ZNF548: variants seen among roughly 807,000 people sequenced by gnomAD.
ZNF548 encodes zinc finger protein 548.
In ZNF548, 10 loss-of-function variants were observed where a neutral mutation model predicts 10.2. That is an observed-to-expected ratio of 0.98 (90% CI 0.60 to 1.66). The LOEUF (loss-of-function observed/expected upper bound fraction) is 1.66, where lower values mean the gene tolerates loss of function less well. ZNF548 is among the 40% of genes most tolerant of loss of function. The pLI, the probability that ZNF548 is intolerant of heterozygous loss-of-function variation, is 0.00. For synonymous variants in ZNF548, 217 were observed against 223.5 expected (o/e 0.97, Z 0.26); for missense variants, 599 against 657.0 (o/e 0.91, Z 0.97).
At position 57,400,095 on chromosome 19, in the gene ZNF548, A is replaced by T; in HGVS notation, c.*206A>T. 1.9e-6 allele frequency: 1 copy of T among 521,732 alleles called. No individual in the cohort carries two copies. Among genetic ancestry groups the T allele is most frequent in the Non-Finnish European group, 3.4e-6 (1 of 297,870 alleles). 32.3% of individuals were successfully genotyped at this position (521,732 alleles called of 1,614,324 possible). Reference sequence around the variant, plus strand: ...GTACCAATAGATATCTATGAATTTGATATATATTTGTACCTCATATAAGTG... The same window carrying T: ...GTACCAATAGATATCTATGAATTTGTTATATATTTGTACCTCATATAAGTG... On this transcript the variant is annotated 3_prime_UTR_variant, in exon 4 of 4. Coordinates refer to ENST00000336128, the MANE Select transcript of ZNF548 (RefSeq NM_001172773.2).
intron 1 of ZNF548, 21 bp downstream of exon 1, chr19:57,390,135 T>A (rs776564556): frequency 6.2e-7 from 1 of 1,605,098 alleles, no homozygotes; most frequent in South Asian, 1.1e-5. Flanking sequence ...CGTCCCAGGC[T>A]CCCCCGCCCG....
rs1486045514 is a variant in ZNF548, at chr19:57,401,407, A to G, written c.*1518A>G. ...CCCTAAACTATATAGTATAATAAAT[A>G]TTTACATAGCATTTACATTGTATTA... On this transcript the variant is annotated 3_prime_UTR_variant, in exon 4 of 4. Transcript: ENST00000336128. 1 of 152,224 alleles carries G rather than the reference A, an allele frequency of 6.6e-6. No homozygotes were observed. Among genetic ancestry groups the G allele is most frequent in the African/African-American group, 2.4e-5 (1 of 41,456 alleles). 9.4% of individuals were successfully genotyped at this position (152,224 alleles called of 1,614,324 possible).
intron 1 of ZNF548, chr19:57,392,939 C>T (rs1469519066): frequency 1.0e-6 from 1 of 985,622 alleles, no homozygotes; most frequent in East Asian, 1.1e-4. Context: ...AAAAGGGAGG[C>T]CTGGACTGGG....
intron 1 of ZNF548, 187 bp from the exon 2 acceptor site, chr19:57,394,001 C>T (rs759465092): frequency 9.1e-6 from 6 of 659,484 alleles, no homozygotes; most frequent in South Asian, 8.5e-5. Context: ...CAGATGGAGA[C>T]ACTGAAGCTC....
In ZNF548 at chr19:57,399,301, G is replaced by A. The variant is rs1186903738; in HGVS notation, c.1050G>A (p.Lys350=). 1.2e-6 allele frequency: 2 copies of A among 1,613,998 alleles called. No individual in the cohort carries two copies. The highest frequency in any genetic ancestry group is 1.3e-5 in the African/African-American group (1 of 74,994). Residue 350 remains lysine, a synonymous_variant, in exon 4 of 4, where the codon AAG becomes AAA. Transcript: ENST00000336128. The surrounding 1 kb of genome is among the most constrained non-coding windows in gnomAD (Gnocchi z 4.0). ...QRVHTGERPY[K]CNDCGKFFRY... ...TTCACACCGGAGAAAGACCTTATAA[G>A]TGCAATGATTGTGGGAAATTTTTTA... is the stretch of plus-strand genomic sequence containing the variant.
Position 57,399,206 on chromosome 19 carries a change from A to G in ZNF548, c.955A>G (p.Arg319Gly). 1 of 1,614,160 alleles carries G rather than the reference A, an allele frequency of 6.2e-7. No homozygotes were observed. Residue 319 changes from arginine (R) to glycine (G), a missense_variant, in exon 4 of 4, where the codon AGG (arginine) becomes GGG (glycine). Physicochemically the swap from Arg to Gly is moderately radical, Grantham distance 125. Coordinates refer to ENST00000336128, the MANE Select transcript of ZNF548 (RefSeq NM_001172773.2). The surrounding 1 kb of genome is among the most constrained non-coding windows in gnomAD (Gnocchi z 4.0). ...ACATCAGAGAGTTCACACCGGAGAA[A>G]GGCCGTATGAGTGCAGGGAATGTGG... ...VRHQRVHTGERPYECRECGKF... is the reference protein window; with the variant it reads ...VRHQRVHTGEGPYECRECGKF...
At position 57,399,968 on chromosome 19, in the gene ZNF548, A is replaced by G. The variant is rs2088702090; in HGVS notation, c.*79A>G. 2.5e-6 allele frequency: 3 copies of G among 1,202,756 alleles called. No homozygotes were observed. The highest frequency in any genetic ancestry group is 3.4e-6 in the Non-Finnish European group (3 of 881,336). The allele number at this position is 1,202,756 out of a possible 1,614,324, so 74.5% of individuals were successfully genotyped here. Reference sequence around the variant, plus strand: ...TCTCCAGAACATTTTTCCTCTTACCAAGAAGTAAAATGCTGTACCCATTAA... The same window carrying G: ...TCTCCAGAACATTTTTCCTCTTACCGAGAAGTAAAATGCTGTACCCATTAA... On this transcript the variant is annotated 3_prime_UTR_variant, in exon 4 of 4. Transcript: ENST00000336128. The surrounding 1 kb of genome is among the most constrained non-coding windows in gnomAD (Gnocchi z 4.0).
chr19:57,390,384 A>T lies in ZNF548; in HGVS notation c.15+270A>T, dbSNP rs1328774010. The T allele has an allele frequency of 1.3e-5, 5 of 394,244 alleles. No homozygotes were observed. In the East Asian group the frequency reaches 1.9e-4, roughly 15 times the overall value. The allele number at this position is 394,244 out of a possible 1,614,324, so 24.4% of individuals were successfully genotyped here. A position where few individuals can be genotyped will look rare whatever the true frequency, so the allele number is the denominator to read the frequency against. Reference sequence around the variant, plus strand: ...GAGGGTTTTGTGAATTCTCGCTTGGAATGGCAACCTGAGCAGCCAGTAACC... The same window carrying T: ...GAGGGTTTTGTGAATTCTCGCTTGGTATGGCAACCTGAGCAGCCAGTAACC... On this transcript the variant is annotated intron_variant, in intron 1 of 3. Coordinates refer to ENST00000336128, the MANE Select transcript of ZNF548 (RefSeq NM_001172773.2).
At position 57,402,382 on chromosome 19, in the gene ZNF548, T is replaced by C. The variant is rs1453531883; in HGVS notation, c.*2493T>C. On this transcript the variant is annotated 3_prime_UTR_variant, in exon 4 of 4. Transcript: ENST00000336128. ...CAAATTACTCAAATTAGCCAATCCA[T>C]GGGGAACATGGAAAACGTAGCTAAT... is the stretch of plus-strand genomic sequence containing the variant. The C allele has an allele frequency of 6.6e-6, 1 of 152,222 alleles. No individual in the cohort carries two copies. The highest frequency in any genetic ancestry group is 1.5e-5 in the Non-Finnish European group (1 of 68,050). 9.4% of individuals were successfully genotyped at this position (152,222 alleles called of 1,614,324 possible).
At chr19:57,394,267 C>G (rs368122312) in intron 2 of ZNF548, 44 bp downstream of exon 2, 83 of 1,586,442 alleles carry the variant, frequency 5.2e-5, no homozygotes, top group Non-Finnish European at 6.4e-5. Flanking sequence ...TGGTTATCTC[C>G]CAGATGGTTT....
At chr19:57,396,578 G>A (rs985738071) in intron 2 of ZNF548, among the ~76,000 whole-genome samples, 2 of 152,190 alleles carry the variant, frequency 1.3e-5, no homozygotes, top group African/African-American at 2.4e-5. Context: ...GATTGATGCT[G>A]GGGACAGGCC....
At position 57,398,744 on chromosome 19, in the gene ZNF548, T is replaced by G. The variant is rs1427592965; in HGVS notation, c.493T>G (p.Phe165Val). ...NHRVHMAEEI[F>V]TCMEGWKDLP... ...CAGAGTTCACATGGCAGAGGAGATC[T>G]TCACATGCATGGAGGGCTGGAAGGA... Residue 165 changes from phenylalanine (F) to valine (V), a missense_variant, in exon 4 of 4, where the codon TTC (phenylalanine) becomes GTC (valine). Coordinates refer to ENST00000336128, the MANE Select transcript of ZNF548 (RefSeq NM_001172773.2). 6.2e-7 allele frequency: 1 copy of G among 1,613,908 alleles called. No homozygotes were observed. The highest frequency in any genetic ancestry group is 1.3e-5 in the African/African-American group (1 of 74,928).
At position 57,398,893 on chromosome 19, in the gene ZNF548, T is replaced by C; in HGVS notation, c.642T>C (p.Cys214=). 2 of 1,614,016 alleles carry C rather than the reference T, an allele frequency of 1.2e-6. No individual in the cohort carries two copies. Among genetic ancestry groups the C allele is most frequent in the East Asian group, 2.2e-5 (1 of 44,882 alleles). The stretch of plus-strand genomic sequence containing the variant: ...AAAATGATTACAAATGTAGTGAATG[T>C]GGGAAAACCTTCACCTGCAGCTATT... ...TGQNDYKCSE[C]GKTFTCSYSF... The change falls in exon 4 of 4, where the codon TGT becomes TGC. Residue 214 remains cysteine (C), a synonymous_variant. Transcript: ENST00000336128.
Position 57,401,386 on chromosome 19 carries a change from A to G in ZNF548, c.*1497A>G, listed in dbSNP as rs2088715380. ...ACATTTTTTCTTGTCATTATTCCCT[A>G]AACTATATAGTATAATAAATATTTA... On this transcript the variant is annotated 3_prime_UTR_variant, in exon 4 of 4. Transcript: ENST00000336128. 1.3e-5 allele frequency: 2 copies of G among 152,224 alleles called. No individual in the cohort carries two copies. Among genetic ancestry groups the G allele is most frequent in the Admixed American group, 6.5e-5 (1 of 15,276 alleles). 9.4% of individuals were successfully genotyped at this position (152,224 alleles called of 1,614,324 possible). A position where few individuals can be genotyped will look rare whatever the true frequency, so the allele number is the denominator to read the frequency against.
chr19:57,392,008 AG>A (rs1189133044), intron 1 of ZNF548, among the ~76,000 whole-genome samples: 1 of 151,906 alleles, frequency 6.6e-6, no homozygotes, highest in African/African-American at 2.4e-5. Context: ...CATGTTGGCC[AG>A]GCTGGTCTTG....
chr19:57,399,029 A>G lies in ZNF548; in HGVS notation c.778A>G (p.Thr260Ala). ...TTTCATGAAACATCAGACAGTTCAC[A>G]CTAGTGAAAGGACTTATGAGTGCAG... ...ANFMKHQTVH[T>A]SERTYECREC... Residue 260 changes from threonine (T) to alanine (A), a missense_variant, in exon 4 of 4, where the codon ACT (threonine) becomes GCT (alanine). Coordinates refer to ENST00000336128, the MANE Select transcript of ZNF548 (RefSeq NM_001172773.2). This position sits in a 1 kb window ranked among gnomAD's most constrained non-coding sequence, Gnocchi z 4.0. 1.9e-6 allele frequency: 3 copies of G among 1,614,224 alleles called. No homozygotes were observed. Among genetic ancestry groups the G allele is most frequent in the Non-Finnish European group, 2.5e-6 (3 of 1,180,016 alleles).
Position 57,398,823 on chromosome 19 carries a change from A to G in ZNF548, c.572A>G (p.Lys191Arg). ...LQHQGPQSEW[K>R]PYRDTEDREA... ...CACCAGGGCCCTCAAAGCGAGTGGA[A>G]GCCATACAGGGACACAGAGGACAGA... Residue 191 changes from lysine to arginine, a missense_variant, in exon 4 of 4, where the codon AAG becomes AGG. Transcript: ENST00000336128. 2 of 1,614,058 alleles carry G rather than the reference A, an allele frequency of 1.2e-6. No homozygotes were observed.
intron 1 of ZNF548, among the ~76,000 whole-genome samples, chr19:57,391,592 C>T (rs1034956107): frequency 6.6e-6 from 1 of 151,970 alleles, no homozygotes; most frequent in East Asian, 1.9e-4. Flanking sequence ...CAGTGTGTAA[C>T]CTTTTTCTCT....
rs1389446310 is a variant in ZNF548, at chr19:57,395,128, G to A, written c.51+905G>A. 6.6e-6 allele frequency among the ~76,000 whole-genome samples: 1 copy of A among 151,940 alleles called. No individual in the cohort carries two copies. The highest frequency in any genetic ancestry group is 2.4e-5 in the African/African-American group (1 of 41,262). On this transcript the variant is annotated intron_variant, in intron 2 of 3. Coordinates refer to ENST00000336128, the MANE Select transcript of ZNF548 (RefSeq NM_001172773.2). The surrounding 1 kb of genome is among the most constrained non-coding windows in gnomAD (Gnocchi z 4.8). ...CTAGGTTATGGTGGCAGTGCTGTTC[G>A]AAGACAGAGAATTGGAATGGGGCAT...
Sources: gnomAD v4.1 joint callset for allele counts (sites outside exome capture counted in the v4.1 genomes callset) on GRCh38, gnomAD v4.1.1 for gene constraint, Gnocchi (gnomAD v3.1) non-coding constraint, MANE v1.5 for transcripts, NCBI Gene and HGNC (gene_info 2026-07-23, HGNC 2026-07-21) for gene names.